GNA14: variants seen among roughly 807,000 people sequenced by gnomAD.
GNA14 encodes G protein subunit alpha 14.
A neutral mutation model predicts 42.0 loss-of-function variants in GNA14; 50 were observed. That is an observed-to-expected ratio of 1.19 (90% CI 0.95 to 1.51). The LOEUF (loss-of-function observed/expected upper bound fraction) is 1.51. GNA14 is among the 40% of genes most tolerant of loss of function. The pLI, the probability that GNA14 is intolerant of heterozygous loss-of-function variation, is 0.00. For missense variants in GNA14, 473 were observed against 446.2 expected (o/e 1.06, Z -0.54); for synonymous variants, 173 against 163.1 (o/e 1.06, Z -0.46).
chr9:77,511,501 C>G (rs1338449164), intron 2 of GNA14, among the ~76,000 whole-genome samples: 3 of 152,196 alleles, frequency 2.0e-5, no homozygotes, highest in Admixed American at 2.0e-4. Context: ...ATAGGAGAGA[C>G]AATGTACGCA....
chr9:77,545,559 A>G (rs1034979302), intron 1 of GNA14, among the ~76,000 whole-genome samples: 1 of 152,216 alleles, frequency 6.6e-6, no homozygotes, highest in African/African-American at 2.4e-5. Context: ...GATATTGGAA[A>G]CATAACATCA....
At chr9:77,592,409 G>T (rs1823404592) in intron 1 of GNA14, among the ~76,000 whole-genome samples, 1 of 152,216 alleles carries the variant, frequency 6.6e-6, no homozygotes, top group South Asian at 2.1e-4. Context: ...TTAGTTGTCA[G>T]AAATTGGCAG....
chr9:77,533,266 C>T (rs186122613), intron 1 of GNA14, among the ~76,000 whole-genome samples: 35 of 152,276 alleles, frequency 2.3e-4, no homozygotes, highest in African/African-American at 7.7e-4. Context: ...ATGTAACCTC[C>T]GCCTCTGGGT....
chr9:77,528,590 A>C (rs1409719353), intron 2 of GNA14, among the ~76,000 whole-genome samples: 1 of 152,154 alleles, frequency 6.6e-6, no homozygotes, highest in Non-Finnish European at 1.5e-5. Context: ...CTCACGAGCC[A>C]TCACTTAGTT....
chr9:77,544,040 C>G (rs569846138), intron 1 of GNA14, among the ~76,000 whole-genome samples: 1 of 152,188 alleles, frequency 6.6e-6, no homozygotes, highest in East Asian at 1.9e-4. Context: ...CTGTTAAATG[C>G]CTTACTTTAG....
At chr9:77,598,345 C>A (rs1314242998) in intron 1 of GNA14, among the ~76,000 whole-genome samples, 2 of 152,146 alleles carry the variant, frequency 1.3e-5, no homozygotes, top group East Asian at 3.9e-4. Context: ...TCCAATTTAT[C>A]ATTCCAGGTC....
intron 2 of GNA14, among the ~76,000 whole-genome samples, chr9:77,455,250 T>A (rs1462918088): frequency 6.6e-6 from 1 of 152,222 alleles, no homozygotes; most frequent in Non-Finnish European, 1.5e-5. Flanking sequence ...TTCCTGGCCA[T>A]GTGGCTCTCT....
chr9:77,441,676 C>A (rs1394498209), intron 2 of GNA14, among the ~76,000 whole-genome samples: 2 of 151,112 alleles, frequency 1.3e-5, no homozygotes, highest in African/African-American at 4.9e-5. Context: ...GCTTTGATAT[C>A]TATAAGCTTT....
At position 77,604,097 on chromosome 9, in the gene GNA14, G is replaced by T. The variant is rs147397571; in HGVS notation, c.124+43573C>A. On this transcript the variant is annotated intron_variant, in intron 1 of 6. Transcript: ENST00000341700. ...TAATGTAAAATTCCCACAAATTTTT[G>T]TAAATATAAGACTTCAGAGCTATTT... Among the ~76,000 whole-genome samples, 837 of 149,794 alleles carry T rather than the reference G, an allele frequency of 5.6e-3. 6 individuals are homozygous for T. The highest frequency in any genetic ancestry group is 0.02 in the African/African-American group (800 of 40,700).
At chr9:77,438,967 A>C (rs932317995) in intron 2 of GNA14, among the ~76,000 whole-genome samples, 11 of 152,234 alleles carry the variant, frequency 7.2e-5, no homozygotes, top group African/African-American at 2.2e-4. Flanking sequence ...GGCCTCATCC[A>C]AAGTTTGCCA....
intron 1 of GNA14, among the ~76,000 whole-genome samples, chr9:77,549,059 C>T (rs1015687417): frequency 3.9e-5 from 6 of 152,118 alleles, no homozygotes; most frequent in African/African-American, 1.4e-4. Context: ...CTCAGCCTCC[C>T]GAGTAGCTGG....
intron 1 of GNA14, among the ~76,000 whole-genome samples, chr9:77,562,835 T>C (rs1378590327): frequency 6.6e-6 from 1 of 152,170 alleles, no homozygotes; most frequent in Non-Finnish European, 1.5e-5. Context: ...TCCCTAGTAT[T>C]TACTATGAAA....
intron 2 of GNA14, chr9:77,456,558 G>A (rs970303506): frequency 2.0e-5 from 3 of 152,206 alleles, no homozygotes; most frequent in African/African-American, 2.4e-5. Flanking sequence ...TTATAAACAG[G>A]TGTAAGAGAA....
At position 77,423,866 on chromosome 9, in the gene GNA14, A is replaced by T; in HGVS notation, c.*113T>A. ...TCTCTGTCCCCACGATCTACATGAC[A>T]TCCTTAGTTCCTGGCATGGGGCTGG... is the stretch of plus-strand genomic sequence containing the variant. On this transcript the variant is annotated 3_prime_UTR_variant, in exon 7 of 7. Coordinates refer to ENST00000341700, the MANE Select transcript of GNA14 (RefSeq NM_004297.4). 3.3e-6 allele frequency: 2 copies of T among 612,082 alleles called. No homozygotes were observed. Among genetic ancestry groups the T allele is most frequent in the Non-Finnish European group, 5.5e-6 (2 of 361,486 alleles). The allele number at this position is 612,082 out of a possible 1,614,324, so 37.9% of individuals were successfully genotyped here.
intron 1 of GNA14, among the ~76,000 whole-genome samples, chr9:77,643,778 AC>A (rs1209355150): frequency 6.6e-6 from 1 of 152,204 alleles, no homozygotes; most frequent in Non-Finnish European, 1.5e-5. Context: ...TTAAAGCACT[AC>A]CACAACAGTT....
chr9:77,494,953 C>T (rs1414374143), intron 2 of GNA14, among the ~76,000 whole-genome samples: 2 of 152,172 alleles, frequency 1.3e-5, no homozygotes, highest in Admixed American at 6.5e-5. Flanking sequence ...GTGTGCACCA[C>T]CACACTCAGC....
At chr9:77,483,504 G>T (rs1290052117) in intron 2 of GNA14, among the ~76,000 whole-genome samples, 2 of 152,286 alleles carry the variant, frequency 1.3e-5, no homozygotes, top group African/African-American at 2.4e-5. Context: ...TCCCAGTTAG[G>T]CTGCTCAGGG....
At chr9:77,482,445 C>T (rs969074400) in intron 2 of GNA14, among the ~76,000 whole-genome samples, 7 of 152,156 alleles carry the variant, frequency 4.6e-5, no homozygotes, top group African/African-American at 1.7e-4. Context: ...GATGGGCTTC[C>T]CTTTGTGGGT....
At chr9:77,557,086 C>T (rs1016341353) in intron 1 of GNA14, among the ~76,000 whole-genome samples, 2 of 152,116 alleles carry the variant, frequency 1.3e-5, no homozygotes, top group Admixed American at 1.3e-4. Context: ...TGAACTATGG[C>T]CAAAATAAGA....
Sources: allele counts gnomAD v4.1 joint callset (sites outside exome capture counted in the v4.1 genomes callset), GRCh38; gene constraint gnomAD v4.1.1; transcripts MANE v1.5; gene names NCBI Gene and HGNC (gene_info 2026-07-23, HGNC 2026-07-21).